KRT86: variants seen among roughly 807,000 people sequenced by gnomAD.
KRT86 encodes keratin 86.
A neutral mutation model predicts 41.2 loss-of-function variants in KRT86; 30 were observed. The ratio of observed to expected loss-of-function variants is 0.73; its 90% confidence interval spans 0.54 to 0.99. The LOEUF (loss-of-function observed/expected upper bound fraction) is 0.99, where lower values mean the gene tolerates loss of function less well. Among genes scored for constraint, KRT86 ranks in the 50% least tolerant of loss-of-function variants. The probability of loss-of-function intolerance (pLI) is 0.00; values close to 1 mark genes in which losing one functional copy is unlikely to be tolerated. For synonymous variants in KRT86, 238 were observed against 238.1 expected (o/e 1.00, Z 0.00); for missense variants, 561 against 571.4 (o/e 0.98, Z 0.19).
At chr12:52,307,410 C>T (rs1057256334) in intron 9 of KRT86, among the ~76,000 whole-genome samples, 29 of 152,214 alleles carry the variant, frequency 1.9e-4, no homozygotes, top group African/African-American at 6.8e-4. Flanking sequence ...TATGTGTTAC[C>T]TAGGGAACCT....
At chr12:52,300,160 TATA>T (rs1938339877) in intron 2 of KRT86, among the ~76,000 whole-genome samples, 1 of 152,238 alleles carries the variant, frequency 6.6e-6, no homozygotes, top group Non-Finnish European at 1.5e-5. Flanking sequence ...CTGCTGCAAC[TATA>T]ATAAGAAATA....
At chr12:52,288,447 A>T in intron 2 of KRT86, 19 of 1,614,076 alleles carry the variant, frequency 1.2e-5, no homozygotes, top group Non-Finnish European at 1.6e-5. Context: ...AGGTAGGCGC[A>T]GTCCACATCC....
At chr12:52,297,630 TAAAAG>T (rs1309677281) in intron 2 of KRT86, among the ~76,000 whole-genome samples, 2 of 152,228 alleles carry the variant, frequency 1.3e-5, no homozygotes, top group Non-Finnish European at 2.9e-5. Flanking sequence ...CCACTTGGGC[TAAAAG>T]AAGAGATTCT....
intron 2 of KRT86, among the ~76,000 whole-genome samples, chr12:52,284,575 T>C (rs1244891750): frequency 6.6e-6 from 1 of 152,240 alleles, no homozygotes; most frequent in Non-Finnish European, 1.5e-5. Context: ...TTTCTAGGAT[T>C]GTGTCCCTCT....
chr12:52,287,991 C>T (rs375846478), intron 2 of KRT86: 61 of 1,614,086 alleles, frequency 3.8e-5, no homozygotes, highest in Middle Eastern at 3.3e-4. Context: ...CACCTTGCTG[C>T]GGTACCAGGA....
At chr12:52,288,423 G>C (rs754706723) in intron 2 of KRT86, 1 of 1,614,180 alleles carries the variant, frequency 6.2e-7, no homozygotes, top group Non-Finnish European at 8.5e-7. Flanking sequence ...TTGGCCTCCA[G>C]GTCTGACTTG....
chr12:52,295,900 T>A (rs1240382494), intron 2 of KRT86, among the ~76,000 whole-genome samples: 2 of 132,806 alleles, frequency 1.5e-5, no homozygotes, highest in African/African-American at 2.9e-5. Context: ...TTCCTGGGGG[T>A]GGGGGTGGAG....
chr12:52,294,772 TTG>T (rs1375061176), intron 2 of KRT86, among the ~76,000 whole-genome samples: 1 of 152,208 alleles, frequency 6.6e-6, no homozygotes, highest in Non-Finnish European at 1.5e-5. Context: ...CTCTTGCATT[TTG>T]TGTTTAATTA....
chr12:52,308,658 G>A lies in KRT86; in HGVS notation c.*73G>A. The A allele has an allele frequency of 3.4e-6, 5 of 1,450,102 alleles. No homozygotes were observed. Among genetic ancestry groups the A allele is most frequent in the Non-Finnish European group, 4.7e-6 (5 of 1,063,602 alleles). 89.8% of individuals were successfully genotyped at this position (1,450,102 alleles called of 1,614,324 possible). A position where few individuals can be genotyped will look rare whatever the true frequency, so the allele number is the denominator to read the frequency against. On this transcript the variant is annotated 3_prime_UTR_variant, in exon 11 of 11. Transcript: ENST00000423955. ...CCAGTACCTCGCGCCACCAGAACGC[G>A]CCGCCCGCGCCGGCCTCCCAATAGC...
rs1373865612 is a variant in KRT86 at position 52,289,060 on chromosome 12, TGCTCAATACAA to T, written c.-4-12852_-4-12842del. Among the ~76,000 whole-genome samples the T allele has an allele frequency of 2.8e-5, 3 of 107,150 alleles. No individual in the cohort carries two copies. The East Asian group carries it at 7.9e-4, about 28-fold the overall frequency. 70.3% of individuals were successfully genotyped at this position (107,150 alleles called of 152,430 possible). On this transcript the variant is annotated intron_variant, in intron 2 of 10. Coordinates refer to ENST00000423955, the MANE Select transcript of KRT86 (RefSeq NM_001320198.2). ...CATTGCCCTTTGTCAAGGCCCTGGATGCTCAATACAAAGGCCTGCATCTGGGCAGTCCTAGC... is the reference window on the plus strand; with the variant it reads ...CATTGCCCTTTGTCAAGGCCCTGGATAGGCCTGCATCTGGGCAGTCCTAGC...
rs563083615 is a variant in KRT86, at chr12:52,284,236, C to T, written c.-5+8290C>T. On this transcript the variant is annotated intron_variant, in intron 2 of 10. Transcript: ENST00000423955. ...AAACAGGGTCTTGCTGTGTCGCCCA[C>T]GCTGGAGGCAGTGGCACAAACATGG... 6.3e-4 allele frequency among the ~76,000 whole-genome samples: 96 copies of T among 152,218 alleles called. 1 individual carries two copies. In the Middle Eastern group the frequency reaches 0.01, roughly 16 times the overall value.
chr12:52,301,981 C>T lies in KRT86; in HGVS notation c.65C>T (p.Pro22Leu), dbSNP rs1397666018. 2.5e-6 allele frequency: 4 copies of T among 1,613,242 alleles called. No homozygotes were observed. Among genetic ancestry groups the T allele is most frequent in the African/African-American group, 1.3e-5 (1 of 74,922 alleles). The stretch of plus-strand genomic sequence containing the variant: ...TGCATCTCGGCCTGCGGGCCCCGGC[C>T]CGGCCGCTGCTGCATCACCGCCGCC... Reference protein sequence around the residue: ...FSCISACGPRPGRCCITAAPY... With the variant: ...FSCISACGPRLGRCCITAAPY... The change falls in exon 3 of 11, where the codon CCC becomes CTC. Residue 22 changes from proline (P) to leucine (L), a missense_variant. By Grantham distance (98) the Pro-to-Leu change is moderately conservative. Around this residue, in one of 3 missense-constraint regions of KRT86, gnomAD observed 164 missense variants for 172.5 expected, o/e 0.95. Transcript: ENST00000423955.
In KRT86 at chr12:52,305,282, G is replaced by T. The variant is rs759569087; in HGVS notation, c.778G>T (p.Val260Phe). ...GTCCCACATCTCAGACACCTCCGTG[G>T]TTGTCAAGCTGGACAACAGCCGGGA... ...LQSHISDTSV[V>F]VKLDNSRDLN... Residue 260 changes from valine to phenylalanine, a missense_variant, in exon 7 of 11, where the codon GTT (valine) becomes TTT (phenylalanine). Val to Phe is a conservative substitution (Grantham distance 50). Transcript: ENST00000423955. 2 of 1,614,204 alleles carry T rather than the reference G, an allele frequency of 1.2e-6. No homozygotes were observed. Among genetic ancestry groups the T allele is most frequent in the South Asian group, 1.1e-5 (1 of 91,084 alleles).
chr12:52,295,369 T>A (rs979620691), intron 2 of KRT86, among the ~76,000 whole-genome samples: 26 of 152,318 alleles, frequency 1.7e-4, no homozygotes, highest in African/African-American at 6.0e-4. Context: ...GGTTGCATGT[T>A]AGTAGCAGAA....
chr12:52,295,394 C>T (rs746730092), intron 2 of KRT86, among the ~76,000 whole-genome samples: 4 of 152,220 alleles, frequency 2.6e-5, no homozygotes, highest in Non-Finnish European at 4.4e-5. Context: ...AACCCAGAGC[C>T]TGTGTGTCTG....
At chr12:52,276,808 GC>G (rs1937642466) in intron 2 of KRT86, among the ~76,000 whole-genome samples, 1 of 152,084 alleles carries the variant, frequency 6.6e-6, no homozygotes. Context: ...CCACCTCCCA[GC>G]CCTCTCACAC....
rs561400063 is a variant in KRT86 at position 52,286,361 on chromosome 12, C to T, written c.-5+10415C>T. On this transcript the variant is annotated intron_variant, in intron 2 of 10. Coordinates refer to ENST00000423955, the MANE Select transcript of KRT86 (RefSeq NM_001320198.2). ...TCCGCAGGTGGTGTTCAATTGGCCG[C>T]AGGGCGCACACAGGCCGGTGCTCAC... 1.4e-5 allele frequency: 21 copies of T among 1,555,358 alleles called. 1 individual carries two copies. Among genetic ancestry groups the T allele is most frequent in the Middle Eastern group, 3.4e-4 (2 of 5,908 alleles).
intron 2 of KRT86, among the ~76,000 whole-genome samples, chr12:52,298,685 C>T (rs1384987426): frequency 6.6e-6 from 1 of 152,168 alleles, no homozygotes; most frequent in Non-Finnish European, 1.5e-5. Flanking sequence ...AAGTAATTGC[C>T]TGAGTTTACA....
intron 2 of KRT86, chr12:52,279,120 A>G (rs1416436985): frequency 1.3e-5 from 2 of 151,936 alleles, no homozygotes; most frequent in Non-Finnish European, 2.9e-5. Flanking sequence ...AGCCCCGAGC[A>G]GGCTCCGGCG....
Sources: gnomAD v4.1 joint callset for allele counts (sites outside exome capture counted in the v4.1 genomes callset) on GRCh38, gnomAD v4.1.1 for gene constraint, gnomAD v4.1.1 regional missense constraint, MANE v1.5 for transcripts, NCBI Gene and HGNC (gene_info 2026-07-23, HGNC 2026-07-21) for gene names.